KCNN2: variants seen among roughly 807,000 people sequenced by gnomAD.
The protein encoded by KCNN2 is small conductance calcium-activated potassium channel protein 2.
In KCNN2, 24 loss-of-function variants were observed where a neutral mutation model predicts 55.5. The ratio of observed to expected loss-of-function variants is 0.43; its 90% confidence interval spans 0.31 to 0.61. The LOEUF is 0.61. Among genes scored for constraint, KCNN2 ranks in the 20% least tolerant of loss-of-function variants. The pLI is 0.08. For missense variants in KCNN2, 754 were observed against 853.6 expected (o/e 0.88, Z 1.45); for synonymous variants, 431 against 336.1 (o/e 1.28, Z -3.09).
rs931410556 is a variant in KCNN2, at chr5:114,319,641, G to A, written c.-184-41304G>A. On this transcript the variant is annotated intron_variant, in intron 2 of 10. Transcript: ENST00000512097. ...TATAAATAAATCTTTATATATTCAG[G>A]CAAAAGTCTGACTTAAGTTGCACAT... Among the ~76,000 whole-genome samples the A allele has an allele frequency of 7.9e-5, 12 of 152,046 alleles. No homozygotes were observed. In the East Asian group the frequency reaches 9.6e-4, roughly 12 times the overall value.
At chr5:114,150,012 T>C (rs1195733009) in intron 1 of KCNN2, among the ~76,000 whole-genome samples, 3 of 152,142 alleles carry the variant, frequency 2.0e-5, no homozygotes, top group Admixed American at 6.6e-5. Context: ...ACATCTGCTT[T>C]TCTGGGATAG....
chr5:114,334,511 A>G (rs1215351328), intron 2 of KCNN2, among the ~76,000 whole-genome samples: 2 of 152,178 alleles, frequency 1.3e-5, no homozygotes, highest in Non-Finnish European at 2.9e-5. Flanking sequence ...ACATACACAC[A>G]TGCATATATA....
intron 2 of KCNN2, among the ~76,000 whole-genome samples, chr5:114,306,197 T>C (rs1458887673): frequency 1.3e-5 from 2 of 152,182 alleles, no homozygotes; most frequent in South Asian, 2.1e-4. Flanking sequence ...GAAAGACACA[T>C]TTGCCAGCTA....
At chr5:114,194,790 T>C (rs1207069211) in intron 1 of KCNN2, among the ~76,000 whole-genome samples, 1 of 152,062 alleles carries the variant, frequency 6.6e-6, no homozygotes, top group African/African-American at 2.4e-5. Flanking sequence ...CTCCTGTGAG[T>C]CTTCTAAGAG....
chr5:114,077,684 G>A (rs753619788), intron 1 of KCNN2, among the ~76,000 whole-genome samples: 4 of 152,192 alleles, frequency 2.6e-5, no homozygotes, highest in Admixed American at 6.5e-5. Flanking sequence ...AACTGGAACT[G>A]CCTGAGGGAG....
intron 1 of KCNN2, among the ~76,000 whole-genome samples, chr5:114,142,399 C>T (rs569691684): frequency 6.6e-6 from 1 of 152,096 alleles, no homozygotes; most frequent in East Asian, 1.9e-4. Flanking sequence ...ATCCTTTCCC[C>T]ATTTCTTGTT....
At chr5:114,209,853 A>T (rs540496190) in intron 1 of KCNN2, among the ~76,000 whole-genome samples, 1 of 152,332 alleles carries the variant, frequency 6.6e-6, no homozygotes, top group South Asian at 2.1e-4. Flanking sequence ...CTCTAACTTA[A>T]ATACATTCAT....
intron 1 of KCNN2, among the ~76,000 whole-genome samples, chr5:114,113,318 T>C (rs1751640379): frequency 6.6e-6 from 1 of 151,586 alleles, no homozygotes; most frequent in South Asian, 2.1e-4. Context: ...TTGAGGAGAG[T>C]CATGAAGTCA....
chr5:114,481,191 C>A (rs1025415825), intron 5 of KCNN2, among the ~76,000 whole-genome samples: 2 of 152,108 alleles, frequency 1.3e-5, no homozygotes, highest in African/African-American at 2.4e-5. Flanking sequence ...TGCTAGCATT[C>A]CTATACACCA....
intron 2 of KCNN2, among the ~76,000 whole-genome samples, chr5:114,229,766 G>A (rs1001396502): frequency 9.9e-5 from 15 of 151,886 alleles, no homozygotes; most frequent in African/African-American, 3.6e-4. Flanking sequence ...GTACTAATAA[G>A]AAAAACAAGC....
intron 3 of KCNN2, among the ~76,000 whole-genome samples, chr5:114,460,917 A>G (rs1029852828): frequency 6.6e-6 from 1 of 152,140 alleles, no homozygotes; most frequent in Non-Finnish European, 1.5e-5. Context: ...ATAGGAAATG[A>G]ACTCTTTTGC....
intron 2 of KCNN2, among the ~76,000 whole-genome samples, chr5:114,252,580 T>G (rs1213123235): frequency 6.6e-6 from 1 of 151,894 alleles, no homozygotes; most frequent in African/African-American, 2.4e-5. Context: ...TTTATCCCAT[T>G]TGAGAATTTC....
intron 1 of KCNN2, among the ~76,000 whole-genome samples, chr5:114,083,880 T>C (rs941696102): frequency 6.6e-6 from 1 of 152,130 alleles, no homozygotes; most frequent in African/African-American, 2.4e-5. Context: ...AAACCACTTA[T>C]CTTTTTACCA....
chr5:114,255,566 A>T (rs933110017), intron 2 of KCNN2, among the ~76,000 whole-genome samples: 1 of 152,204 alleles, frequency 6.6e-6, no homozygotes, highest in Non-Finnish European at 1.5e-5. Flanking sequence ...AGGGCCTTGT[A>T]GGCTGCTATA....
At chr5:114,238,547 A>C (rs1754554254) in intron 2 of KCNN2, among the ~76,000 whole-genome samples, 1 of 150,724 alleles carries the variant, frequency 6.6e-6, no homozygotes, top group African/African-American at 2.4e-5. Context: ...AATCGCTTGA[A>C]CCCAGGAGGC....
intron 7 of KCNN2, among the ~76,000 whole-genome samples, chr5:114,494,498 C>T (rs986670492): frequency 6.6e-6 from 1 of 151,282 alleles, no homozygotes; most frequent in Non-Finnish European, 1.5e-5. Flanking sequence ...TGAGGACATC[C>T]TCGATTAACG....
intron 2 of KCNN2, among the ~76,000 whole-genome samples, chr5:114,239,250 A>T (rs1754570790): frequency 6.6e-6 from 1 of 152,194 alleles, no homozygotes; most frequent in Non-Finnish European, 1.5e-5. Context: ...AAACCCAGTG[A>T]TGTGGGAAAT....
intron 3 of KCNN2, among the ~76,000 whole-genome samples, chr5:114,443,238 C>T (rs558356922): frequency 1.3e-5 from 2 of 151,642 alleles, no homozygotes; most frequent in East Asian, 1.9e-4. Flanking sequence ...TTGCAGTGAG[C>T]CGAGATCATG....
intron 2 of KCNN2, among the ~76,000 whole-genome samples, chr5:114,237,318 G>GA (rs11296043): frequency 0.087 from 12,753 of 147,168 alleles, 640 homozygotes; most frequent in Middle Eastern, 0.14. Context: ...ACACCCCACA[G>GA]AAAAAAAAAA....
Sources: gnomAD v4.1 joint callset for allele counts (sites outside exome capture counted in the v4.1 genomes callset) on GRCh38, gnomAD v4.1.1 for gene constraint, MANE v1.5 for transcripts, NCBI Gene and HGNC (gene_info 2026-07-23, HGNC 2026-07-21) for gene names.